Variants in FRMD4A observed in about 807,000 individuals in gnomAD.
The protein encoded by FRMD4A is FERM domain containing 4A.
A neutral mutation model predicts 129.1 loss-of-function variants in FRMD4A; 29 were observed. The observed-to-expected ratio is 0.22, with a 90% CI of 0.17 to 0.31. FRMD4A has a LOEUF of 0.31. Ranked by LOEUF, FRMD4A falls within the 10% of genes least tolerant of loss-of-function variation. The pLI, the probability that FRMD4A is intolerant of heterozygous loss-of-function variation, is 1.00. For missense variants in FRMD4A, 1,272 were observed against 1,375.8 expected (o/e 0.92, Z 1.19); for synonymous variants, 634 against 571.6 (o/e 1.11, Z -1.56).
intron 2 of FRMD4A, among the ~76,000 whole-genome samples, chr10:13,920,739 A>T (rs1194073543): frequency 6.6e-6 from 1 of 152,152 alleles, no homozygotes; most frequent in African/African-American, 2.4e-5. Context: ...AAAATCATTC[A>T]CTATTATTCC....
intron 2 of FRMD4A, among the ~76,000 whole-genome samples, chr10:13,924,405 C>T (rs937120244): frequency 4.8e-5 from 5 of 104,834 alleles, no homozygotes; most frequent in African/African-American, 8.5e-5. Flanking sequence ...CTTTTCTTCT[C>T]GTTCCTTTTT....
chr10:13,992,952 CAAAAAAAAA>C (rs10648349), intron 2 of FRMD4A, among the ~76,000 whole-genome samples: 26 of 65,998 alleles, frequency 3.9e-4, no homozygotes, highest in African/African-American at 1.7e-3. Flanking sequence ...GACTCTGTCT[CAAAAAAAAA>C]AAAAAAAAAA....
chr10:13,762,594 G>A, intron 7 of FRMD4A, 30 bp downstream of exon 7: 1 of 1,296,978 alleles, frequency 7.7e-7, no homozygotes, highest in Non-Finnish European at 1.1e-6. Flanking sequence ...ATGGCCGTGG[G>A]ACATAAAGAG....
intron 2 of FRMD4A, among the ~76,000 whole-genome samples, chr10:14,131,591 T>A (rs1810118884): frequency 6.6e-6 from 1 of 152,194 alleles, no homozygotes; most frequent in African/African-American, 2.4e-5. Flanking sequence ...CCAACTCCCA[T>A]GACAAATGTC....
chr10:14,292,484 C>T lies in FRMD4A; in HGVS notation c.45+37574G>A, dbSNP rs192405324. 7.2e-5 allele frequency among the ~76,000 whole-genome samples: 11 copies of T among 152,286 alleles called. No homozygotes were observed. The East Asian group carries it at 1.9e-3, about 27-fold the overall frequency. Reference sequence around the variant, plus strand: ...CTCACATGCTACACAAAATACATCCCTGGTGAATTTTATTATATTTAACAA... The same window carrying T: ...CTCACATGCTACACAAAATACATCCTTGGTGAATTTTATTATATTTAACAA... On this transcript the variant is annotated intron_variant, in intron 2 of 24. Coordinates refer to ENST00000357447, the MANE Select transcript of FRMD4A (RefSeq NM_018027.5).
intron 15 of FRMD4A, among the ~76,000 whole-genome samples, chr10:13,680,672 G>A (rs1034114622): frequency 6.6e-6 from 1 of 152,106 alleles, no homozygotes; most frequent in Non-Finnish European, 1.5e-5. Flanking sequence ...GTTGCGGTGA[G>A]CTGAGATGGC....
intron 2 of FRMD4A, chr10:14,007,666 A>G (rs960414384): frequency 4.8e-5 from 8 of 167,388 alleles, no homozygotes; most frequent in African/African-American, 1.2e-4. Flanking sequence ...GTCACCCAGT[A>G]GAAGAAATTC....
chr10:14,042,782 G>A (rs1833829833), intron 2 of FRMD4A, among the ~76,000 whole-genome samples: 1 of 151,682 alleles, frequency 6.6e-6, no homozygotes, highest in Admixed American at 6.6e-5. Context: ...GGCCAATATG[G>A]TGACACTGCA....
At chr10:14,109,084 C>T (rs1837736038) in intron 2 of FRMD4A, among the ~76,000 whole-genome samples, 1 of 152,104 alleles carries the variant, frequency 6.6e-6, no homozygotes, top group Non-Finnish European at 1.5e-5. Flanking sequence ...ATGAAAGGCT[C>T]TCCAAGGGTT....
At chr10:13,687,872 G>A (rs995135796) in intron 15 of FRMD4A, among the ~76,000 whole-genome samples, 4 of 152,150 alleles carry the variant, frequency 2.6e-5, no homozygotes, top group Admixed American at 2.6e-4. Context: ...TGCATGGGGA[G>A]GTGAGAATTT....
intron 6 of FRMD4A, among the ~76,000 whole-genome samples, chr10:13,766,606 T>C (rs1296437661): frequency 6.6e-6 from 1 of 152,162 alleles, no homozygotes; most frequent in East Asian, 1.9e-4. Flanking sequence ...CAATCTAGGG[T>C]GGTGGGAAGA....
At chr10:13,835,882 CAGGT>C (rs2130955611) in intron 3 of FRMD4A, among the ~76,000 whole-genome samples, 1 of 152,292 alleles carries the variant, frequency 6.6e-6, no homozygotes, top group Admixed American at 6.5e-5. Flanking sequence ...TTCCTTCAAA[CAGGT>C]CCCTGGTGCC....
intron 2 of FRMD4A, among the ~76,000 whole-genome samples, chr10:14,252,618 T>C (rs1416540376): frequency 6.6e-6 from 1 of 152,240 alleles, no homozygotes; most frequent in African/African-American, 2.4e-5. Flanking sequence ...AGGTCACTCA[T>C]ATCAGGTGGC....
intron 2 of FRMD4A, among the ~76,000 whole-genome samples, chr10:13,896,681 TA>T (rs202088490): frequency 1.6e-4 from 24 of 146,614 alleles, no homozygotes; most frequent in Admixed American, 1.4e-4. Flanking sequence ...AACTTGAAGT[TA>T]AAAAAAAAAG....
At chr10:14,126,657 G>C (rs888690818) in intron 2 of FRMD4A, among the ~76,000 whole-genome samples, 6 of 152,164 alleles carry the variant, frequency 3.9e-5, no homozygotes, top group Non-Finnish European at 8.8e-5. Context: ...GGTAACCTCA[G>C]ATTCTGGACC....
At chr10:13,850,832 A>G (rs2094130719) in intron 3 of FRMD4A, among the ~76,000 whole-genome samples, 1 of 152,220 alleles carries the variant, frequency 6.6e-6, no homozygotes. Context: ...TGAGCAAGTT[A>G]TTTAATCTTT....
chr10:14,162,468 G>T (rs1419143745), intron 2 of FRMD4A, among the ~76,000 whole-genome samples: 1 of 152,204 alleles, frequency 6.6e-6, no homozygotes, highest in African/African-American at 2.4e-5. Context: ...AAAGCTGATG[G>T]TCACATATGA....
At chr10:13,714,282 C>T (rs982663695) in intron 12 of FRMD4A, among the ~76,000 whole-genome samples, 8 of 150,842 alleles carry the variant, frequency 5.3e-5, no homozygotes, top group African/African-American at 1.7e-4. Flanking sequence ...AGGCTGGTCT[C>T]GAACTCCTGA....
chr10:14,088,050 T>C (rs1005150073), intron 2 of FRMD4A, among the ~76,000 whole-genome samples: 7 of 152,212 alleles, frequency 4.6e-5, no homozygotes, highest in Admixed American at 2.6e-4. Context: ...TAACAGAGCC[T>C]ACTTTACTTA....
Sources: gnomAD v4.1 joint callset for allele counts (sites outside exome capture counted in the v4.1 genomes callset) on GRCh38, gnomAD v4.1.1 for gene constraint, MANE v1.5 for transcripts, NCBI Gene and HGNC (gene_info 2026-07-23, HGNC 2026-07-21) for gene names.